The following CFAP96 variants were observed in gnomAD, a reference collection of about 807,000 sequenced individuals.
CFAP96 encodes cilia and flagella associated protein 96.
the CFAP96 span, chr4:185,418,611 C>A: frequency 3.7e-6 from 6 of 1,613,390 alleles, no homozygotes; most frequent in Non-Finnish European, 5.1e-6. Context: ...TATGTTCTTA[C>A]AAGCAGAAGC....
the CFAP96 span, among the ~76,000 whole-genome samples, chr4:185,439,923 T>TA: frequency 1.4e-5 from 2 of 146,858 alleles, no homozygotes; most frequent in African/African-American, 2.5e-5. Context: ...CTCATATATA[T>TA]GATATATATA....
chr4:185,426,362 G>A, the CFAP96 span: 1 of 155,632 alleles, frequency 6.4e-6, no homozygotes, highest in Non-Finnish European at 1.4e-5. Flanking sequence ...GGGGCAACCT[G>A]ATCTCGGCTG....
chr4:185,422,498 T>C, the CFAP96 span: 1 of 1,611,356 alleles, frequency 6.2e-7, no homozygotes, highest in East Asian at 2.2e-5. Context: ...TAGGAGTAGC[T>C]AGCTGAAAAG....
the CFAP96 span, chr4:185,415,351 T>G: frequency 2.6e-5 from 40 of 1,566,622 alleles, no homozygotes; most frequent in East Asian, 4.6e-5. Context: ...ACGAACTCTG[T>G]GGGGGGAAAT....
chr4:185,415,919 T>C, the CFAP96 span: 1 of 1,429,190 alleles, frequency 7.0e-7, no homozygotes, highest in Non-Finnish European at 9.4e-7. Context: ...ACACTAAATA[T>C]AAAGAGTAAG....
chr4:185,448,281 AAAGTGCTGGGATT>A, the CFAP96 span, among the ~76,000 whole-genome samples: 361 of 152,262 alleles, frequency 2.4e-3, no homozygotes, highest in Admixed American at 4.4e-3. Flanking sequence ...TCAGCCTCCC[AAAGTGCTGGGATT>A]AAGTGCTGGG....
the CFAP96 span, chr4:185,414,006 T>A: frequency 1.4e-6 from 1 of 702,372 alleles, no homozygotes; most frequent in Non-Finnish European, 2.1e-6. Context: ...ATGGTTTAAT[T>A]CACTAACATC....
At chr4:185,426,041 G>T in the CFAP96 span, 1 of 697,556 alleles carries the variant, frequency 1.4e-6, no homozygotes, top group South Asian at 1.9e-5. Context: ...AGTCCCTCGC[G>T]GACGGCGAGG....
At chr4:185,432,819 A>G in the CFAP96 span, among the ~76,000 whole-genome samples, 1 of 151,682 alleles carries the variant, frequency 6.6e-6, no homozygotes. Context: ...GCTATGATTG[A>G]GCCACTGCAC....
chr4:185,409,519 G>GT, the CFAP96 span, among the ~76,000 whole-genome samples: 1 of 152,076 alleles, frequency 6.6e-6, no homozygotes, highest in Non-Finnish European at 1.5e-5. Context: ...AAAAAATTAA[G>GT]TGAGAGGAGA....
the CFAP96 span, among the ~76,000 whole-genome samples, chr4:185,441,340 G>A: frequency 0.85 from 129,106 of 151,974 alleles, 55,754 homozygotes; most frequent in East Asian, 0.99. Flanking sequence ...TTTTTCTTGC[G>A]GACTTTGTAT....
At chr4:185,429,199 C>A in the CFAP96 span, 1 of 397,162 alleles carries the variant, frequency 2.5e-6, no homozygotes, top group Non-Finnish European at 4.4e-6. Context: ...AGAGTAGGTT[C>A]TTTCCCCATG....
chr4:185,436,389 T>A, the CFAP96 span: 1 of 1,430,314 alleles, frequency 7.0e-7, no homozygotes, highest in Non-Finnish European at 9.6e-7. Flanking sequence ...TGTTTCAACC[T>A]TTCTTTTATT....
chr4:185,414,962 T>G, the CFAP96 span, among the ~76,000 whole-genome samples: 1 of 152,202 alleles, frequency 6.6e-6, no homozygotes. Flanking sequence ...AGGTTCAACA[T>G]AACATTTTGT....
At chr4:185,423,460 G>C in the CFAP96 span, among the ~76,000 whole-genome samples, 2 of 152,164 alleles carry the variant, frequency 1.3e-5, no homozygotes, top group Non-Finnish European at 2.9e-5. Context: ...GCTTGATCTA[G>C]TGATATGCAT....
chr4:185,429,709 C>A, the CFAP96 span, among the ~76,000 whole-genome samples: 1 of 152,108 alleles, frequency 6.6e-6, no homozygotes, highest in Non-Finnish European at 1.5e-5. Flanking sequence ...ATCTTTGTTA[C>A]CCAGGCTGGA....
the CFAP96 span, chr4:185,413,869 ACTC>A: frequency 6.3e-7 from 1 of 1,598,048 alleles, no homozygotes; most frequent in Middle Eastern, 1.7e-4. Context: ...AGATCATGTA[ACTC>A]CTAAAATAAA....
the CFAP96 span, among the ~76,000 whole-genome samples, chr4:185,435,608 A>T: frequency 6.6e-6 from 1 of 152,244 alleles, no homozygotes; most frequent in Non-Finnish European, 1.5e-5. Context: ...GAAAATTAGC[A>T]CCCAAATTCC....
At chr4:185,441,828 A>G in the CFAP96 span, among the ~76,000 whole-genome samples, 1 of 152,044 alleles carries the variant, frequency 6.6e-6, no homozygotes, top group African/African-American at 2.4e-5. Flanking sequence ...AATGTTCCGT[A>G]TCTTAATTGT....
Sources: gnomAD v4.1 joint callset for allele counts (sites outside exome capture counted in the v4.1 genomes callset) on GRCh38, gnomAD v4.1.1 for gene constraint, MANE v1.5 for transcripts, NCBI Gene and HGNC (gene_info 2026-07-23, HGNC 2026-07-21) for gene names.